Variants in DOCK1 observed in about 807,000 individuals in gnomAD.
The protein encoded by DOCK1 is dedicator of cytokinesis protein 1.
Under a neutral mutation model 262.7 loss-of-function variants are expected in DOCK1, and 138 were observed. The ratio of observed to expected loss-of-function variants is 0.53; its 90% CI spans 0.46 to 0.61. DOCK1 has a LOEUF of 0.61. Among genes scored for constraint, DOCK1 ranks in the 20% least tolerant of loss-of-function variants. DOCK1 has a pLI of 0.00. For missense variants in DOCK1, 1,908 were observed against 2,370.7 expected (o/e 0.80, Z 4.05); for synonymous variants, 866 against 867.4 (o/e 1.00, Z 0.03).
At chr10:127,310,743 C>G (rs183692179) in intron 29 of DOCK1, among the ~76,000 whole-genome samples, 19 of 152,216 alleles carry the variant, frequency 1.2e-4, no homozygotes, top group Admixed American at 1.2e-3. Context: ...ATTTAATGCC[C>G]CAGTTGTCGT....
At chr10:127,196,213 T>C (rs1314360834) in intron 27 of DOCK1, 1 of 149,070 alleles carries the variant, frequency 6.7e-6, no homozygotes, top group African/African-American at 2.4e-5. Flanking sequence ...CCGGCCCTGC[T>C]GGCCCGGCCG....
At chr10:127,382,065 C>G (rs899683117) in intron 37 of DOCK1, among the ~76,000 whole-genome samples, 6 of 152,120 alleles carry the variant, frequency 3.9e-5, no homozygotes, top group Non-Finnish European at 8.8e-5. Flanking sequence ...TGATCTTGCT[C>G]ATGACATCCT....
chr10:127,027,432 A>G (rs1199418252), intron 16 of DOCK1, among the ~76,000 whole-genome samples: 1 of 152,180 alleles, frequency 6.6e-6, no homozygotes, highest in Non-Finnish European at 1.5e-5. Flanking sequence ...GATCTTTACT[A>G]AAACAGTTAT....
chr10:127,251,980 G>A (rs1011950855), intron 28 of DOCK1, among the ~76,000 whole-genome samples: 3 of 152,092 alleles, frequency 2.0e-5, no homozygotes, highest in Non-Finnish European at 2.9e-5. Flanking sequence ...CACATTGGTT[G>A]AACTAGTTTA....
At chr10:127,336,740 T>C (rs571980886) in intron 29 of DOCK1, among the ~76,000 whole-genome samples, 508 of 152,144 alleles carry the variant, frequency 3.3e-3, no homozygotes, top group Admixed American at 6.5e-3. Flanking sequence ...GGGGTTTCAC[T>C]GTGTTAGCCA....
At chr10:127,032,363 C>T in intron 18 of DOCK1, 43 bp downstream of exon 18, 2 of 1,461,028 alleles carry the variant, frequency 1.4e-6, no homozygotes, top group Non-Finnish European at 1.8e-6. Context: ...GGAGCTCTGC[C>T]CCAGTCCTGT....
At chr10:127,393,841 C>A (rs889105381) in intron 38 of DOCK1, among the ~76,000 whole-genome samples, 7 of 152,114 alleles carry the variant, frequency 4.6e-5, no homozygotes, top group African/African-American at 1.7e-4. Flanking sequence ...TGCAAAATGT[C>A]ATTTCCATCT....
intron 47 of DOCK1, among the ~76,000 whole-genome samples, chr10:127,431,772 G>A (rs2069306746): frequency 6.6e-6 from 1 of 152,182 alleles, no homozygotes; most frequent in African/African-American, 2.4e-5. Context: ...TGCTGTCGTG[G>A]CAGCGCGTGC....
At chr10:127,380,033 C>A (rs1401323546) in intron 35 of DOCK1, 49 bp from the exon 36 acceptor site, 3 of 1,315,564 alleles carry the variant, frequency 2.3e-6, no homozygotes, top group African/African-American at 2.9e-5. Flanking sequence ...CATGTGATAC[C>A]TTTTGTGGAA....
intron 33 of DOCK1, among the ~76,000 whole-genome samples, chr10:127,362,843 A>ACGTCCCCACACACACG (rs2064575112): frequency 4.7e-4 from 1 of 2,150 alleles, no homozygotes; most frequent in Non-Finnish European, 1.0e-3. Context: ...ACATACACAC[A>ACGTCCCCACACACACG]CACACACACA....
chr10:127,101,095 G>C (rs2048215227), intron 23 of DOCK1, among the ~76,000 whole-genome samples: 1 of 152,122 alleles, frequency 6.6e-6, no homozygotes, highest in African/African-American at 2.4e-5. Context: ...GGGCAGGCAG[G>C]TGCCCCGAAA....
intron 27 of DOCK1, among the ~76,000 whole-genome samples, chr10:127,206,769 A>G (rs1245355833): frequency 6.6e-6 from 1 of 152,218 alleles, no homozygotes; most frequent in Non-Finnish European, 1.5e-5. Flanking sequence ...ACTATGAAAT[A>G]TTGATAGGAC....
intron 11 of DOCK1, among the ~76,000 whole-genome samples, chr10:127,011,764 C>A (rs911996180): frequency 6.6e-6 from 1 of 152,070 alleles, no homozygotes; most frequent in Non-Finnish European, 1.5e-5. Context: ...AAAGCCTTTG[C>A]AAGCAGTTAG....
Position 127,262,211 on chromosome 10 carries a change from TGC to T in DOCK1, c.3044+4784_3044+4785del, listed in dbSNP as rs2060194190. Among the ~76,000 whole-genome samples the T allele has an allele frequency of 3.8e-5, 4 of 105,514 alleles. 1 individual carries two copies. The South Asian group carries it at 1.7e-3, about 45-fold the overall frequency. 69.2% of individuals were successfully genotyped at this position (105,514 alleles called of 152,430 possible). On this transcript the variant is annotated intron_variant, in intron 29 of 51. Transcript: ENST00000623213. Reference sequence around the variant, plus strand: ...GTGTACCCGTGCTCATCTGTGTGTGTGCGTGTGTGTGTGTGTGTACCCGTGCT... The same window carrying T: ...GTGTACCCGTGCTCATCTGTGTGTGTGTGTGTGTGTGTGTGTACCCGTGCT...
rs143153434 is a variant in DOCK1, at chr10:127,009,611, G to A, written c.1058+807G>A. ...TTGGGTGGCGATGTTAGGGGAGAAG[G>A]CATGGTAAGGGCAGTGGAAGCCACC... On this transcript the variant is annotated intron_variant, in intron 11 of 51. Transcript: ENST00000623213. 4.3e-3 allele frequency among the ~76,000 whole-genome samples: 648 copies of A among 152,242 alleles called. 1 individual carries two copies. Among genetic ancestry groups the A allele is most frequent in the African/African-American group, 0.015 (624 of 41,554 alleles).
intron 27 of DOCK1, among the ~76,000 whole-genome samples, chr10:127,195,730 G>A (rs2057078639): frequency 6.6e-6 from 1 of 152,160 alleles, no homozygotes; most frequent in Admixed American, 6.5e-5. Context: ...CCCTGACGTC[G>A]CCAAAGTTGC....
At chr10:127,331,653 T>G (rs1171639824) in intron 29 of DOCK1, among the ~76,000 whole-genome samples, 1 of 152,152 alleles carries the variant, frequency 6.6e-6, no homozygotes, top group African/African-American at 2.4e-5. Flanking sequence ...ATTGGGAAAC[T>G]TAGGATTTTA....
At chr10:127,063,689 A>T (rs1019659085) in intron 23 of DOCK1, among the ~76,000 whole-genome samples, 2 of 152,196 alleles carry the variant, frequency 1.3e-5, no homozygotes, top group Non-Finnish European at 2.9e-5. Flanking sequence ...AGAATAGATA[A>T]AAATTACAGG....
chr10:127,257,487 G>A lies in DOCK1; in HGVS notation c.3044+58G>A, dbSNP rs1174396300. On this transcript the variant is annotated intron_variant, in intron 29 of 51. Transcript: ENST00000623213. ...TATGGCTCCCAATTCATGTCTGCTGGGAACAGTGGTGTTGCCTGGAGACCA... is the reference window on the plus strand; with the variant it reads ...TATGGCTCCCAATTCATGTCTGCTGAGAACAGTGGTGTTGCCTGGAGACCA... The A allele has an allele frequency of 5.4e-6, 8 of 1,488,008 alleles. No homozygotes were observed. In the African/African-American group the frequency reaches 6.9e-5, roughly 13 times the overall value. The allele number at this position is 1,488,008 out of a possible 1,614,324, so 92.2% of individuals were successfully genotyped here.
Sources: allele counts gnomAD v4.1 joint callset (sites outside exome capture counted in the v4.1 genomes callset), GRCh38; gene constraint gnomAD v4.1.1; transcripts MANE v1.5; gene names NCBI Gene and HGNC (gene_info 2026-07-23, HGNC 2026-07-21).